The following P3H2 variants were observed in gnomAD, a reference collection of about 807,000 sequenced individuals.
The protein encoded by P3H2 is prolyl 3-hydroxylase 2, also known as leprecan-like 1.
Under a neutral mutation model 87.0 loss-of-function variants are expected in P3H2, and 80 were observed. The observed-to-expected ratio is 0.92, with a 90% CI of 0.77 to 1.11. The LOEUF is 1.11. Among genes scored for constraint, P3H2 ranks in the 50% least tolerant of loss-of-function variants. The pLI is 0.00. For missense variants in P3H2, 1,001 were observed against 923.9 expected (o/e 1.08, Z -1.08); for synonymous variants, 367 against 359.3 (o/e 1.02, Z -0.24).
chr3:190,094,865 C>T (rs1727520562), intron 1 of P3H2, among the ~76,000 whole-genome samples: 1 of 152,130 alleles, frequency 6.6e-6, no homozygotes, highest in African/African-American at 2.4e-5. Flanking sequence ...CAAAGTCAGG[C>T]AGCTAGAAAA....
chr3:189,957,745 A>G lies in P3H2; in HGVS notation c.*167T>C. The G allele has an allele frequency of 1.6e-6, 1 of 631,384 alleles. No individual in the cohort carries two copies. Among genetic ancestry groups the G allele is most frequent in the South Asian group, 1.9e-5 (1 of 51,418 alleles). The allele number at this position is 631,384 out of a possible 1,614,324, so 39.1% of individuals were successfully genotyped here. A position where few individuals can be genotyped will look rare whatever the true frequency, so the allele number is the denominator to read the frequency against. On this transcript the variant is annotated 3_prime_UTR_variant, in exon 15 of 15. Coordinates refer to ENST00000319332, the MANE Select transcript of P3H2 (RefSeq NM_018192.4). ...GAGAGAAAACAACCCAAAACAAGAA[A>G]GATAGATTGATAGATTGAGGCAACA...
At chr3:190,101,858 C>A (rs1170770735) in intron 1 of P3H2, among the ~76,000 whole-genome samples, 1 of 152,184 alleles carries the variant, frequency 6.6e-6, no homozygotes, top group African/African-American at 2.4e-5. Flanking sequence ...GATGTTAAAG[C>A]TTCAAAGGAC....
intron 1 of P3H2, among the ~76,000 whole-genome samples, chr3:190,080,420 A>G (rs1013374137): frequency 2.4e-4 from 36 of 152,008 alleles, no homozygotes; most frequent in African/African-American, 8.5e-4. Flanking sequence ...TTTTTGAGAC[A>G]GAATTTTGCT....
intron 1 of P3H2, among the ~76,000 whole-genome samples, chr3:190,056,480 G>A (rs569674498): frequency 2.0e-5 from 3 of 152,168 alleles, no homozygotes; most frequent in Admixed American, 6.5e-5. Context: ...AAATTAGATT[G>A]TTCTCAAATG....
At chr3:189,989,587 CTCTT>C (rs966174505) in intron 3 of P3H2, among the ~76,000 whole-genome samples, 6 of 152,114 alleles carry the variant, frequency 3.9e-5, no homozygotes, top group Non-Finnish European at 5.9e-5. Context: ...GAAATAAAAA[CTCTT>C]TTTTTTTAAA....
At chr3:190,114,686 A>G (rs1295616520) in intron 1 of P3H2, among the ~76,000 whole-genome samples, 3 of 152,202 alleles carry the variant, frequency 2.0e-5, no homozygotes, top group Non-Finnish European at 2.9e-5. Context: ...TGAGACATAA[A>G]GATGGTGACC....
chr3:190,015,919 G>GTGTGCATGTGTGTGTGCA (rs1344288275), intron 1 of P3H2, among the ~76,000 whole-genome samples: 7 of 152,140 alleles, frequency 4.6e-5, no homozygotes, highest in Non-Finnish European at 8.8e-5. Flanking sequence ...ATTTGTGCAT[G>GTGTGCATGTGTGTGTGCA]TGTGCATGTG....
At position 189,989,130 on chromosome 3, in the gene P3H2, C is replaced by G. The variant is rs549270664; in HGVS notation, c.824-92G>C. 3.4e-6 allele frequency: 5 copies of G among 1,472,228 alleles called. No individual in the cohort carries two copies. The East Asian group carries it at 1.1e-4, about 33-fold the overall frequency. 91.2% of individuals were successfully genotyped at this position (1,472,228 alleles called of 1,614,324 possible). On this transcript the variant is annotated intron_variant, in intron 3 of 14. Transcript: ENST00000319332. ...CCACAGTTACACAGGTCATTCCTCACCTCACCACACTGGAAGACCAAATTA... is the reference window on the plus strand; with the variant it reads ...CCACAGTTACACAGGTCATTCCTCAGCTCACCACACTGGAAGACCAAATTA...
At position 189,988,901 on chromosome 3, in the gene P3H2, C is replaced by G. The variant is rs751133671; in HGVS notation, c.955+6G>C. The G allele has an allele frequency of 1.2e-6, 2 of 1,614,018 alleles. No individual in the cohort carries two copies. The highest frequency in any genetic ancestry group is 3.3e-5 in the Admixed American group (2 of 60,018). On this transcript the variant is annotated splice_donor_region_variant and intron_variant, in intron 4 of 14. Transcript: ENST00000319332. ...AAGAAGTCTTCACGGATGATCCACG[C>G]TTTACCTCGATAGTAGGCAAACTGT...
chr3:190,046,578 G>T, intron 1 of P3H2, among the ~76,000 whole-genome samples: 1 of 151,972 alleles, frequency 6.6e-6, no homozygotes, highest in South Asian at 2.1e-4. Context: ...AGAATAGCTT[G>T]TCATAGTAGC....
At chr3:190,090,828 C>T (rs1275927330) in intron 1 of P3H2, among the ~76,000 whole-genome samples, 6 of 152,140 alleles carry the variant, frequency 3.9e-5, no homozygotes, top group African/African-American at 1.4e-4. Flanking sequence ...TGGAGAGCCC[C>T]ACCCCATTTC....
At chr3:189,978,750 T>C (rs1220992154) in intron 8 of P3H2, among the ~76,000 whole-genome samples, 1 of 150,556 alleles carries the variant, frequency 6.6e-6, no homozygotes, top group East Asian at 1.9e-4. Flanking sequence ...CCAGCCTCCA[T>C]ATGACTACCA....
chr3:190,030,853 T>C (rs1246553165), intron 1 of P3H2, among the ~76,000 whole-genome samples: 1 of 152,142 alleles, frequency 6.6e-6, no homozygotes, highest in East Asian at 1.9e-4. Flanking sequence ...TTAATGAGAA[T>C]ATTACATAAA....
chr3:189,972,751 T>C (rs1372850241), intron 11 of P3H2, 123 bp downstream of exon 11: 22 of 1,051,292 alleles, frequency 2.1e-5, no homozygotes, highest in Non-Finnish European at 8.8e-6. Flanking sequence ...AAGCTACTTT[T>C]GTTTTGGAAA....
chr3:189,992,230 G>A (rs1263166675), intron 3 of P3H2, among the ~76,000 whole-genome samples: 3 of 152,010 alleles, frequency 2.0e-5, no homozygotes, highest in African/African-American at 7.3e-5. Flanking sequence ...AAGTAGCTGG[G>A]ATTACAGGCA....
intron 11 of P3H2, among the ~76,000 whole-genome samples, chr3:189,972,479 C>T (rs946552744): frequency 7.2e-5 from 11 of 152,136 alleles, no homozygotes; most frequent in Admixed American, 2.0e-4. Context: ...GAGAAGGTCC[C>T]GGTCTTTTTA....
At chr3:190,076,599 G>C (rs1726884411) in intron 1 of P3H2, among the ~76,000 whole-genome samples, 1 of 152,162 alleles carries the variant, frequency 6.6e-6, no homozygotes, top group South Asian at 2.1e-4. Context: ...ATTGACATTT[G>C]CCTGTGGTCC....
upstream of P3H2, among the ~76,000 whole-genome samples, chr3:190,121,240 A>G (rs1288204406): frequency 1.3e-5 from 2 of 152,148 alleles, no homozygotes; most frequent in South Asian, 4.1e-4. Context: ...TTCTAAATGA[A>G]GCCTGGAGCG....
At chr3:190,027,623 C>A (rs1236146249) in intron 1 of P3H2, among the ~76,000 whole-genome samples, 4 of 138,782 alleles carry the variant, frequency 2.9e-5, no homozygotes, top group Non-Finnish European at 4.8e-5. Context: ...GCGGTTTTTA[C>A]CTTTTTTTTT....
Sources: allele counts gnomAD v4.1 joint callset (sites outside exome capture counted in the v4.1 genomes callset), GRCh38; gene constraint gnomAD v4.1.1; transcripts MANE v1.5; gene names NCBI Gene and HGNC (gene_info 2026-07-23, HGNC 2026-07-21).